The following HAPLN1 variants were observed in gnomAD, a reference collection of about 807,000 sequenced individuals.
The protein encoded by HAPLN1 is hyaluronan and proteoglycan link protein 1, also known as Cartilage link protein.
A neutral mutation model predicts 36.5 loss-of-function variants in HAPLN1; 13 were observed. That is an observed-to-expected ratio of 0.36 (90% CI 0.23 to 0.57). The LOEUF (loss-of-function observed/expected upper bound fraction) is 0.57, where lower values mean the gene tolerates loss of function less well. HAPLN1 is among the 20% of genes least tolerant of loss of function. The pLI, the probability that HAPLN1 is intolerant of heterozygous loss-of-function variation, is 0.83. For missense variants in HAPLN1, 407 were observed against 439.7 expected (o/e 0.93, Z 0.66); for synonymous variants, 202 against 169.8 (o/e 1.19, Z -1.48).
At chr5:83,710,498 A>G (rs1220734275) in intron 1 of HAPLN1, among the ~76,000 whole-genome samples, 2 of 152,062 alleles carry the variant, frequency 1.3e-5, no homozygotes, top group African/African-American at 4.8e-5. Flanking sequence ...CAGTAAGTTG[A>G]GGAGAGGATG....
At chr5:83,657,543 G>T (rs913036641) in intron 2 of HAPLN1, among the ~76,000 whole-genome samples, 1 of 152,038 alleles carries the variant, frequency 6.6e-6, no homozygotes, top group African/African-American at 2.4e-5. Context: ...GGGCTTCCTC[G>T]CTCCTCTCTA....
At chr5:83,650,022 G>C (rs1750008132) in intron 3 of HAPLN1, among the ~76,000 whole-genome samples, 1 of 152,190 alleles carries the variant, frequency 6.6e-6, no homozygotes, top group Admixed American at 6.5e-5. Flanking sequence ...AGATTTAACA[G>C]CTACCACGAG....
chr5:83,717,622 A>C (rs2112644246), intron 1 of HAPLN1, among the ~76,000 whole-genome samples: 1 of 152,354 alleles, frequency 6.6e-6, no homozygotes, highest in Admixed American at 6.5e-5. Context: ...TCTTTTAAAG[A>C]AAAGGTTTTT....
intron 1 of HAPLN1, among the ~76,000 whole-genome samples, chr5:83,697,476 C>A (rs896355796): frequency 1.3e-5 from 2 of 151,034 alleles, no homozygotes; most frequent in Non-Finnish European, 3.0e-5. Flanking sequence ...CACTTTTGGG[C>A]TTTAATGAAT....
chr5:83,664,869 T>C (rs986231342), intron 2 of HAPLN1, among the ~76,000 whole-genome samples: 1 of 152,202 alleles, frequency 6.6e-6, no homozygotes, highest in Non-Finnish European at 1.5e-5. Context: ...ATGCATCTTT[T>C]AGAATAAGGT....
intron 1 of HAPLN1, among the ~76,000 whole-genome samples, chr5:83,685,239 A>T (rs1265370499): frequency 6.6e-6 from 1 of 152,256 alleles, no homozygotes; most frequent in Non-Finnish European, 1.5e-5. Flanking sequence ...TGCAAGCTCC[A>T]GGAGGGTAGA....
At chr5:83,668,817 G>A (rs1750623730) in intron 2 of HAPLN1, among the ~76,000 whole-genome samples, 1 of 152,216 alleles carries the variant, frequency 6.6e-6, no homozygotes. Context: ...TTAGCAGGAA[G>A]TCCGTGTGAG....
intron 1 of HAPLN1, among the ~76,000 whole-genome samples, chr5:83,693,880 A>G (rs1284780689): frequency 6.6e-6 from 1 of 151,928 alleles, no homozygotes. Context: ...TTTATCAACA[A>G]TTGATGGAAC....
intron 2 of HAPLN1, among the ~76,000 whole-genome samples, chr5:83,662,966 C>A (rs956201707): frequency 5.9e-5 from 9 of 152,128 alleles, no homozygotes; most frequent in African/African-American, 2.2e-4. Flanking sequence ...ATTTTTTTAT[C>A]TAATAAACAT....
intron 3 of HAPLN1, among the ~76,000 whole-genome samples, chr5:83,645,663 T>A (rs1406325986): frequency 6.6e-6 from 1 of 151,994 alleles, no homozygotes; most frequent in African/African-American, 2.4e-5. Flanking sequence ...ATAAGACAGA[T>A]CTGTACAGTG....
At chr5:83,711,484 A>T (rs1751784539) in intron 1 of HAPLN1, among the ~76,000 whole-genome samples, 1 of 152,170 alleles carries the variant, frequency 6.6e-6, no homozygotes, top group Non-Finnish European at 1.5e-5. Flanking sequence ...GAACAAGGAC[A>T]TGGAGAACGC....
At chr5:83,659,575 A>T (rs1750323646) in intron 2 of HAPLN1, among the ~76,000 whole-genome samples, 1 of 152,134 alleles carries the variant, frequency 6.6e-6, no homozygotes, top group Non-Finnish European at 1.5e-5. Context: ...CCATGCATAA[A>T]CTAAATAAAA....
intron 2 of HAPLN1, among the ~76,000 whole-genome samples, chr5:83,668,322 A>C (rs751237735): frequency 6.6e-6 from 1 of 152,192 alleles, no homozygotes; most frequent in East Asian, 1.9e-4. Flanking sequence ...AGTCAGGGTG[A>C]CTTCATTAAA....
At chr5:83,673,678 A>G in intron 1 of HAPLN1, 129 bp from the exon 2 acceptor site, 1 of 615,302 alleles carries the variant, frequency 1.6e-6, no homozygotes. Context: ...ATCTGTTCAG[A>G]AAGTTACTGT....
intron 2 of HAPLN1, among the ~76,000 whole-genome samples, chr5:83,658,728 T>C (rs1266909602): frequency 1.3e-5 from 2 of 152,170 alleles, no homozygotes; most frequent in African/African-American, 2.4e-5. Flanking sequence ...ATGATTCTAA[T>C]GTGTCTAATC....
intron 2 of HAPLN1, among the ~76,000 whole-genome samples, chr5:83,663,603 A>G (rs1750471517): frequency 6.6e-6 from 1 of 152,140 alleles, no homozygotes; most frequent in African/African-American, 2.4e-5. Context: ...TGTTGGTCCT[A>G]TATTGAATGA....
At chr5:83,713,865 C>A (rs1751851333) in intron 1 of HAPLN1, among the ~76,000 whole-genome samples, 1 of 152,122 alleles carries the variant, frequency 6.6e-6, no homozygotes, top group South Asian at 2.1e-4. Context: ...TTTTCCACCT[C>A]CAGTCTTGCT....
chr5:83,694,610 A>G (rs1259101539), intron 1 of HAPLN1, among the ~76,000 whole-genome samples: 1 of 152,072 alleles, frequency 6.6e-6, no homozygotes, highest in East Asian at 1.9e-4. Context: ...AATATTATGA[A>G]ACTTTGTTTT....
At chr5:83,674,929 TTTTC>T (rs1322585203) in intron 1 of HAPLN1, 2 of 152,218 alleles carry the variant, frequency 1.3e-5, no homozygotes, top group East Asian at 3.9e-4. Flanking sequence ...GCTTTAAATC[TTTTC>T]TTTTTCTTCA....
Sources: allele counts gnomAD v4.1 joint callset (sites outside exome capture counted in the v4.1 genomes callset), GRCh38; gene constraint gnomAD v4.1.1; transcripts MANE v1.5; gene names NCBI Gene and HGNC (gene_info 2026-07-23, HGNC 2026-07-21).